AIRE: variants seen among roughly 807,000 people sequenced by gnomAD.
AIRE encodes autoimmune regulator.
Under a neutral mutation model 62.1 loss-of-function variants are expected in AIRE, and 52 were observed. That is an observed-to-expected ratio of 0.84 (90% CI 0.67 to 1.06). The LOEUF is 1.06. Ranked by LOEUF, AIRE falls within the 50% of genes least tolerant of loss-of-function variation. The probability of loss-of-function intolerance (pLI) is 0.00; values close to 1 mark genes in which losing one functional copy is unlikely to be tolerated. For missense variants in AIRE, 774 were observed against 755.8 expected (o/e 1.02, Z -0.28); for synonymous variants, 342 against 321.6 (o/e 1.06, Z -0.68).
chr21:44,292,027 A>C (rs1237523268), intron 8 of AIRE, among the ~76,000 whole-genome samples: 1 of 152,150 alleles, frequency 6.6e-6, no homozygotes, highest in Non-Finnish European at 1.5e-5. Flanking sequence ...GAGGCAGGCA[A>C]AGCCACCAGG....
chr21:44,292,258 G>T (rs376098123), intron 8 of AIRE, 44 bp from the exon 9 acceptor site: 2 of 1,491,526 alleles, frequency 1.3e-6, no homozygotes, highest in East Asian at 2.4e-5. Flanking sequence ...TCTGTCACCC[G>T]CTGTCTTGTT....
intron 12 of AIRE, among the ~76,000 whole-genome samples, chr21:44,294,838 G>A (rs1301555371): frequency 6.6e-6 from 1 of 152,044 alleles, no homozygotes; most frequent in Non-Finnish European, 1.5e-5. Flanking sequence ...CGGCCTGCAG[G>A]AGCAAACCCC....
intron 6 of AIRE, 88 bp downstream of exon 6, chr21:44,289,890 G>A (rs921049484): frequency 3.1e-6 from 5 of 1,605,230 alleles, no homozygotes; most frequent in Middle Eastern, 1.9e-4. Flanking sequence ...GGCTCTGCTG[G>A]GGGCTGGGGG....
intron 5 of AIRE, chr21:44,289,193 G>A (rs1323457878): frequency 5.4e-6 from 1 of 183,810 alleles, no homozygotes; most frequent in Non-Finnish European, 1.1e-5. Context: ...TCCCTCTGGA[G>A]GCTCCAGGGA....
rs179363875 is a variant in AIRE at position 44,286,049 on chromosome 21, C to T, written c.43C>T (p.Arg15Cys). The T allele has an allele frequency of 1.9e-6, 3 of 1,539,970 alleles. No individual in the cohort carries two copies. In the East Asian group the frequency reaches 7.3e-5, roughly 38 times the overall value. Reference sequence around the variant, plus strand: ...GCTACGCCGGCTTCTGAGGCTGCACCGCACGGAGATCGCGGTGGCCGTGGA... The same window carrying T: ...GCTACGCCGGCTTCTGAGGCTGCACTGCACGGAGATCGCGGTGGCCGTGGA... ...AALRRLLRLHRTEIAVAVDSA... is the reference protein window; with the variant it reads ...AALRRLLRLHCTEIAVAVDSA... Residue 15 changes from arginine (R) to cysteine (C), a missense_variant, in exon 1 of 14, where the codon CGC (arginine) becomes TGC (cysteine). Physicochemically the swap from Arg to Cys is radical, Grantham distance 180. Transcript: ENST00000291582. The surrounding 1 kb of genome is among the most constrained non-coding windows in gnomAD (Gnocchi z 6.0).
intron 7 of AIRE, 175 bp downstream of exon 7, chr21:44,290,243 A>G (rs2040522822): frequency 1.0e-6 from 1 of 984,804 alleles, no homozygotes; most frequent in South Asian, 4.7e-5. Flanking sequence ...ATAATACGCA[A>G]TGGTAATAGT....
intron 8 of AIRE, among the ~76,000 whole-genome samples, chr21:44,291,465 C>A (rs565602272): frequency 2.0e-5 from 3 of 152,136 alleles, no homozygotes; most frequent in Non-Finnish European, 4.4e-5. Context: ...AGGCCCAGGG[C>A]GAAGATGCCA....
Position 44,285,945 on chromosome 21 carries a change from G to T in AIRE, c.-62G>T. ...CCGCCGGGACCCGAGGCCAAGCGAG[G>T]GGCTGCCAGTGTCCCGGGACCCACC... On this transcript the variant is annotated 5_prime_UTR_variant, in exon 1 of 14. Transcript: ENST00000291582. The T allele has an allele frequency of 6.8e-7, 1 of 1,480,342 alleles. No individual in the cohort carries two copies. Among genetic ancestry groups the T allele is most frequent in the South Asian group, 1.2e-5 (1 of 80,412 alleles). 91.7% of individuals were successfully genotyped at this position (1,480,342 alleles called of 1,614,324 possible).
In AIRE at chr21:44,289,576, A is replaced by T. The variant is rs993283038; in HGVS notation, c.653-81A>T. The T allele has an allele frequency of 3.2e-6, 5 of 1,579,538 alleles. No individual in the cohort carries two copies. The African/African-American group carries it at 6.8e-5, about 21-fold the overall frequency. ...TGGGAACTCCACCTGTCTCTGCTAGACCCCACCCTGGGGCCTACACGACTG... is the reference window on the plus strand; with the variant it reads ...TGGGAACTCCACCTGTCTCTGCTAGTCCCCACCCTGGGGCCTACACGACTG... On this transcript the variant is annotated intron_variant, in intron 5 of 13. Transcript: ENST00000291582.
intron 10 of AIRE, 64 bp from the exon 11 acceptor site, chr21:44,293,725 G>A (rs866828213): frequency 1.1e-5 from 17 of 1,591,722 alleles, no homozygotes; most frequent in African/African-American, 5.4e-5. Context: ...CACAGGGCTC[G>A]GGTTCGGGTT....
intron 10 of AIRE, 57 bp downstream of exon 10, chr21:44,293,232 C>T (rs549422134): frequency 2.0e-5 from 28 of 1,399,522 alleles, no homozygotes; most frequent in Middle Eastern, 2.6e-4. Context: ...ACCTACGGGG[C>T]GGATGAATTC....
intron 7 of AIRE, chr21:44,290,894 G>A: frequency 6.2e-7 from 1 of 1,610,016 alleles, no homozygotes; most frequent in Non-Finnish European, 8.5e-7. Context: ...GGCCCCGGGG[G>A]GTGTCTGTTG....
Position 44,293,848 on chromosome 21 carries a change from T to C in AIRE, c.1338T>C (p.Cys446=), listed in dbSNP as rs979048802. ...GAGATGGTACGGACGTGCTGCGGTG[T>C]ACTCACTGCGCCGCTGCCTTCCACT... is the stretch of plus-strand genomic sequence containing the variant. ...VCGDGTDVLR[C]THCAAAFHWR... Residue 446 remains cysteine (C), a synonymous_variant, in exon 11 of 14, where the codon TGT becomes TGC. Transcript: ENST00000291582. 8 of 1,596,846 alleles carry C rather than the reference T, an allele frequency of 5.0e-6. No individual in the cohort carries two copies. Among genetic ancestry groups the C allele is most frequent in the Non-Finnish European group, 3.4e-6 (4 of 1,179,576 alleles).
chr21:44,285,973 G>A lies in AIRE; in HGVS notation c.-34G>A, dbSNP rs1236733316. 5.3e-6 allele frequency: 8 copies of A among 1,519,820 alleles called. No homozygotes were observed. Among genetic ancestry groups the A allele is most frequent in the Middle Eastern group, 4.6e-4 (2 of 4,380 alleles). 94.1% of individuals were successfully genotyped at this position (1,519,820 alleles called of 1,614,324 possible). ...CTGCCAGTGTCCCGGGACCCACCGC[G>A]TCCGCCCCAGCCCCGGGTCCCCGCG... On this transcript the variant is annotated 5_prime_UTR_variant, in exon 1 of 14. Transcript: ENST00000291582.
At position 44,285,922 on chromosome 21, in the gene AIRE, G is replaced by T. The variant is rs1156289371; in HGVS notation, c.-85G>T. ...GCCGGCGCGGAGGCCCCACAGCCCC[G>T]CCGGGACCCGAGGCCAAGCGAGGGG... On this transcript the variant is annotated 5_prime_UTR_variant, in exon 1 of 14. Coordinates refer to ENST00000291582, the MANE Select transcript of AIRE (RefSeq NM_000383.4). 2 of 1,381,066 alleles carry T rather than the reference G, an allele frequency of 1.4e-6. No homozygotes were observed. The highest frequency in any genetic ancestry group is 1.9e-6 in the Non-Finnish European group (2 of 1,041,286). The allele number at this position is 1,381,066 out of a possible 1,614,324, so 85.6% of individuals were successfully genotyped here. A position where few individuals can be genotyped will look rare whatever the true frequency, so the allele number is the denominator to read the frequency against.
Position 44,298,006 on chromosome 21 carries a change from C to T in AIRE, c.*279C>T. ...AATTAGCTGGGTGTGGTGGTGGGTG[C>T]CTGTAATCCCAGCTACATGGGAGCC... On this transcript the variant is annotated 3_prime_UTR_variant, in exon 14 of 14. Transcript: ENST00000291582. 2.3e-6 allele frequency: 1 copy of T among 439,190 alleles called. No homozygotes were observed. Among genetic ancestry groups the T allele is most frequent in the South Asian group, 2.1e-5 (1 of 47,376 alleles). The allele number at this position is 439,190 out of a possible 1,614,324, so 27.2% of individuals were successfully genotyped here. A position where few individuals can be genotyped will look rare whatever the true frequency, so the allele number is the denominator to read the frequency against.
At chr21:44,292,252 T>A in intron 8 of AIRE, 50 bp from the exon 9 acceptor site, 1 of 1,471,232 alleles carries the variant, frequency 6.8e-7, no homozygotes, top group Non-Finnish European at 9.3e-7. Context: ...TGGGGATCTG[T>A]CACCCGCTGT....
chr21:44,297,876 G>C lies in AIRE; in HGVS notation c.*149G>C. The C allele has an allele frequency of 1.3e-6, 1 of 750,752 alleles. No individual in the cohort carries two copies. The highest frequency in any genetic ancestry group is 2.3e-6 in the Non-Finnish European group (1 of 437,582). 46.5% of individuals were successfully genotyped at this position (750,752 alleles called of 1,614,324 possible). A position where few individuals can be genotyped will look rare whatever the true frequency, so the allele number is the denominator to read the frequency against. On this transcript the variant is annotated 3_prime_UTR_variant, in exon 14 of 14. Transcript: ENST00000291582. This position sits in a 1 kb window ranked among gnomAD's most constrained non-coding sequence, Gnocchi z 4.8. The stretch of plus-strand genomic sequence containing the variant: ...GGCTGTAAACAGCTCTGTGTTTCTG[G>C]GGACACCAGCCATCATGTGCCTGGA...
chr21:44,288,121 C>T (rs1436710344), intron 4 of AIRE, among the ~76,000 whole-genome samples: 3 of 152,182 alleles, frequency 2.0e-5, no homozygotes, highest in Non-Finnish European at 2.9e-5. Context: ...CACTGCCACC[C>T]CCCAGCACAC....
Sources: gnomAD v4.1 joint callset for allele counts (sites outside exome capture counted in the v4.1 genomes callset) on GRCh38, gnomAD v4.1.1 for gene constraint, Gnocchi (gnomAD v3.1) non-coding constraint, MANE v1.5 for transcripts, NCBI Gene and HGNC (gene_info 2026-07-23, HGNC 2026-07-21) for gene names.